Variants in SASH1 observed in about 807,000 individuals in gnomAD.
The protein encoded by SASH1 is SAM and SH3 domain-containing protein 1.
In SASH1, 44 loss-of-function variants were observed where a neutral mutation model predicts 125.2. The observed-to-expected ratio is 0.35, with a 90% CI of 0.28 to 0.45. The LOEUF (loss-of-function observed/expected upper bound fraction) is 0.45. Ranked by LOEUF, SASH1 falls within the 20% of genes least tolerant of loss-of-function variation. The pLI is 1.00. For synonymous variants in SASH1, 639 were observed against 649.1 expected (o/e 0.98, Z 0.24); for missense variants, 1,426 against 1,614.5 (o/e 0.88, Z 2.00).
At chr6:148,325,169 C>G (rs1333834474) in intron 1 of SASH1, among the ~76,000 whole-genome samples, 2 of 152,094 alleles carry the variant, frequency 1.3e-5, no homozygotes, top group African/African-American at 4.8e-5. Context: ...GCTCAGAAAA[C>G]TTACAATCAT....
At position 148,520,030 on chromosome 6, in the gene SASH1, C is replaced by T. The variant is rs561364925; in HGVS notation, c.1209+137C>T. ...GATACTAATTATTCCTGTTCCAGAGCTTTTCTCTGCCAGCGTCCCTCCAGA... is the reference window on the plus strand; with the variant it reads ...GATACTAATTATTCCTGTTCCAGAGTTTTTCTCTGCCAGCGTCCCTCCAGA... On this transcript the variant is annotated intron_variant, in intron 10 of 19. Coordinates refer to ENST00000367467, the MANE Select transcript of SASH1 (RefSeq NM_015278.5). The T allele has an allele frequency of 2.3e-4, 147 of 644,308 alleles. No individual in the cohort carries two copies. The African/African-American group carries it at 2.4e-3, about 10-fold the overall frequency. The allele number at this position is 644,308 out of a possible 1,614,324, so 39.9% of individuals were successfully genotyped here.
chr6:148,544,763 A>G lies in SASH1; in HGVS notation c.3293A>G (p.Glu1098Gly), dbSNP rs375599077. Residue 1098 changes from glutamate to glycine, a missense_variant, in exon 18 of 20, where the codon GAA becomes GGA. Transcript: ENST00000367467. This position sits in a 1 kb window ranked among gnomAD's most constrained non-coding sequence, Gnocchi z 6.4. ...ARGVDLETLT[E>G]NKLHAEGIDL... The stretch of plus-strand genomic sequence containing the variant: ...GGAGTGGATCTAGAAACGCTCACTG[A>G]AAACAAGCTGCACGCTGAAGGCATC... The G allele has an allele frequency of 2.8e-5, 45 of 1,605,360 alleles. No individual in the cohort carries two copies. The highest frequency in any genetic ancestry group is 3.6e-5 in the Non-Finnish European group (42 of 1,175,928).
the SASH1 span, among the ~76,000 whole-genome samples, chr6:148,200,700 T>G: frequency 6.6e-6 from 1 of 152,234 alleles, no homozygotes; most frequent in African/African-American, 2.4e-5. Flanking sequence ...TTCTACTTTT[T>G]GCATAGTAAC....
At chr6:148,238,431 C>T in the SASH1 span, among the ~76,000 whole-genome samples, 1 of 152,096 alleles carries the variant, frequency 6.6e-6, no homozygotes, top group Non-Finnish European at 1.5e-5. Flanking sequence ...ATCATGTTGG[C>T]CATGCTGGTC....
chr6:148,365,122 C>G (rs372332420), intron 1 of SASH1, among the ~76,000 whole-genome samples: 1 of 139,704 alleles, frequency 7.2e-6, no homozygotes, highest in Non-Finnish European at 1.6e-5. Context: ...GACTCTGTCA[C>G]AAAAAAAAAA....
intron 8 of SASH1, chr6:148,508,699 G>A (rs1362878164): frequency 9.2e-6 from 11 of 1,191,224 alleles, no homozygotes; most frequent in Middle Eastern, 5.0e-4. Context: ...GAGCTGTGAC[G>A]GTGGAGCCTG....
chr6:148,540,966 G>A (rs114055966), intron 17 of SASH1, among the ~76,000 whole-genome samples: 1,649 of 152,250 alleles, frequency 0.011, 40 homozygotes, highest in African/African-American at 0.038. Flanking sequence ...AGGAGAGAAG[G>A]ATTGGATGGC....
At chr6:148,540,648 T>C in intron 17 of SASH1, 92 bp downstream of exon 17, 2 of 924,014 alleles carry the variant, frequency 2.2e-6, no homozygotes, top group Non-Finnish European at 3.4e-6. Flanking sequence ...ATTCCTGTCA[T>C]GAACTCAGCA....
At chr6:148,272,410 C>T (rs1436531008) in intron 1 of SASH1, 1 of 469,932 alleles carries the variant, frequency 2.1e-6, no homozygotes, top group Admixed American at 2.4e-5. Flanking sequence ...AATTTTAAGA[C>T]TGTTTTTGGT....
chr6:148,302,373 C>T (rs1313363113), intron 1 of SASH1, among the ~76,000 whole-genome samples: 1 of 137,448 alleles, frequency 7.3e-6, no homozygotes, highest in African/African-American at 2.7e-5. Flanking sequence ...TTAATAGAGA[C>T]TAAGTGAGAG....
intron 2 of SASH1, among the ~76,000 whole-genome samples, chr6:148,419,834 T>C (rs1204684851): frequency 1.3e-5 from 2 of 152,228 alleles, no homozygotes; most frequent in Non-Finnish European, 2.9e-5. Flanking sequence ...GAAATAACTG[T>C]TTTGTAATTA....
chr6:148,244,728 TG>T, the SASH1 span, among the ~76,000 whole-genome samples: 1 of 152,198 alleles, frequency 6.6e-6, no homozygotes, highest in African/African-American at 2.4e-5. Flanking sequence ...TCAGGGCAAC[TG>T]GGTCACAGCT....
chr6:148,542,058 C>G (rs1430531970), intron 17 of SASH1, among the ~76,000 whole-genome samples: 1 of 151,994 alleles, frequency 6.6e-6, no homozygotes, highest in Non-Finnish European at 1.5e-5. Flanking sequence ...AATTAATTCC[C>G]CCAACTGTTG....
rs565937046 is a variant in SASH1 at position 148,364,127 on chromosome 6, A to T, written c.156+20904A>T. Reference sequence around the variant, plus strand: ...GGTAAAGGACTGCTCCCTCTGGTCCATTACTGCCCATTACTTCCTCCAGCT... The same window carrying T: ...GGTAAAGGACTGCTCCCTCTGGTCCTTTACTGCCCATTACTTCCTCCAGCT... On this transcript the variant is annotated intron_variant, in intron 1 of 19. Coordinates refer to ENST00000367467, the MANE Select transcript of SASH1 (RefSeq NM_015278.5). Among the ~76,000 whole-genome samples the T allele has an allele frequency of 1.5e-4, 23 of 152,260 alleles. No homozygotes were observed. In the South Asian group the frequency reaches 3.1e-3, roughly 21 times the overall value.
At chr6:148,214,526 T>C in the SASH1 span, among the ~76,000 whole-genome samples, 1 of 152,234 alleles carries the variant, frequency 6.6e-6, no homozygotes, top group African/African-American at 2.4e-5. Flanking sequence ...AGATAATACA[T>C]GTAAAGCACT....
At chr6:148,362,422 T>C (rs1004378934) in intron 1 of SASH1, among the ~76,000 whole-genome samples, 2 of 152,058 alleles carry the variant, frequency 1.3e-5, no homozygotes, top group Admixed American at 6.6e-5. Flanking sequence ...TTCTATGAGA[T>C]AAGCAGTGAT....
At chr6:148,507,800 C>T (rs1329993061) in intron 8 of SASH1, among the ~76,000 whole-genome samples, 3 of 152,142 alleles carry the variant, frequency 2.0e-5, no homozygotes, top group Non-Finnish European at 4.4e-5. Flanking sequence ...GAGCATTATA[C>T]ATGAAGACTC....
At chr6:148,502,844 C>G (rs957217571) in intron 8 of SASH1, among the ~76,000 whole-genome samples, 1 of 152,246 alleles carries the variant, frequency 6.6e-6, no homozygotes, top group African/African-American at 2.4e-5. Flanking sequence ...TGGCAGTTTC[C>G]TCTTCCCCTC....
chr6:148,212,367 C>T, the SASH1 span, among the ~76,000 whole-genome samples: 1 of 152,170 alleles, frequency 6.6e-6, no homozygotes, highest in Admixed American at 6.5e-5. Context: ...GTTGGTGTCT[C>T]AACAGTGATT....
Sources: gnomAD v4.1 joint callset for allele counts (sites outside exome capture counted in the v4.1 genomes callset) on GRCh38, gnomAD v4.1.1 for gene constraint, Gnocchi (gnomAD v3.1) non-coding constraint, MANE v1.5 for transcripts, NCBI Gene and HGNC (gene_info 2026-07-23, HGNC 2026-07-21) for gene names.